HSPD1: variants seen among roughly 807,000 people sequenced by gnomAD.
HSPD1 encodes the protein 60 kDa heat shock protein, mitochondrial.
HSPD1 carries 3 observed loss-of-function variants against 53.0 expected under a neutral mutation model. That is an observed-to-expected ratio of 0.06 (90% CI 0.03 to 0.15). The LOEUF (loss-of-function observed/expected upper bound fraction) is 0.15, where lower values mean the gene tolerates loss of function less well. HSPD1 is among the 10% of genes least tolerant of loss of function. The pLI, the probability that HSPD1 is intolerant of heterozygous loss-of-function variation, is 1.00. For missense variants in HSPD1, 431 were observed against 694.1 expected (o/e 0.62, Z 4.26); for synonymous variants, 200 against 228.0 (o/e 0.88, Z 1.10).
At chr2:197,490,931 A>G (rs904271412) in intron 7 of HSPD1, among the ~76,000 whole-genome samples, 4 of 152,220 alleles carry the variant, frequency 2.6e-5, no homozygotes, top group Non-Finnish European at 5.9e-5. Flanking sequence ...AGTATTGTTA[A>G]GCTCACCTGA....
intron 5 of HSPD1, 160 bp from the exon 6 acceptor site, chr2:197,494,410 A>G (rs1574601106): frequency 1.6e-6 from 1 of 644,336 alleles, no homozygotes; most frequent in Non-Finnish European, 2.8e-6. Flanking sequence ...AAAAATCCCA[A>G]AAGTGCTTAT....
chr2:197,489,184 C>A lies in HSPD1; in HGVS notation c.1033G>T (p.Val345Phe). The stretch of plus-strand genomic sequence containing the variant: ...TCTTTGGTCACAATGACCTCTCCAA[C>A]TTTTCCTAAGTCATGAGGCTGAACG... Reference protein sequence around the residue: ...EDVQPHDLGKVGEVIVTKDDA... With the variant: ...EDVQPHDLGKFGEVIVTKDDA... Residue 345 changes from valine to phenylalanine, a missense_variant, in exon 9 of 12, where the codon GTT becomes TTT. Coordinates refer to ENST00000388968, the MANE Select transcript of HSPD1 (RefSeq NM_002156.5). The A allele has an allele frequency of 6.2e-7, 1 of 1,614,162 alleles. No homozygotes were observed. The highest frequency in any genetic ancestry group is 8.5e-7 in the Non-Finnish European group (1 of 1,179,992).
rs2086030641 is a variant in HSPD1 at position 197,486,791 on chromosome 2, T to C, written c.*255A>G. On this transcript the variant is annotated 3_prime_UTR_variant, in exon 12 of 12. Transcript: ENST00000388968. ...AAGCAGTACACTGGTACATGGCTCT[T>C]GTACCCAGTATCAGGAATGTACAAA... 1 of 461,422 alleles carries C rather than the reference T, an allele frequency of 2.2e-6. No homozygotes were observed. Among genetic ancestry groups the C allele is most frequent in the African/African-American group, 2.0e-5 (1 of 50,486 alleles). The allele number at this position is 461,422 out of a possible 1,614,324, so 28.6% of individuals were successfully genotyped here.
intron 9 of HSPD1, among the ~76,000 whole-genome samples, chr2:197,488,771 G>A (rs1474913137): frequency 1.3e-5 from 2 of 152,224 alleles, no homozygotes; most frequent in Non-Finnish European, 2.9e-5. Flanking sequence ...GGGAGGCCAA[G>A]GCAGGAGATT....
At chr2:197,496,220 A>G (rs2086155453) in intron 3 of HSPD1, among the ~76,000 whole-genome samples, 1 of 152,202 alleles carries the variant, frequency 6.6e-6, no homozygotes, top group African/African-American at 2.4e-5. Flanking sequence ...CTCAATTGGG[A>G]ATAGTGCTAG....
chr2:197,498,930 A>G (rs2086197989), intron 1 of HSPD1, 80 bp from the exon 2 acceptor site: 1 of 1,283,564 alleles, frequency 7.8e-7, no homozygotes. Context: ...TGTGCAACAG[A>G]GCAAGCAACG....
intron 7 of HSPD1, 119 bp from the exon 8 acceptor site, chr2:197,490,415 G>GTGT (rs386392249): frequency 1.9e-5 from 14 of 728,722 alleles, no homozygotes; most frequent in Admixed American, 1.3e-4. Context: ...TGGTTTTTGT[G>GTGT]TTTTTTTGTT....
chr2:197,500,192 GCTC>G (rs1426546054), upstream of HSPD1: 4 of 590,916 alleles, frequency 6.8e-6, no homozygotes, highest in South Asian at 4.2e-5. Context: ...CCTAGAAACA[GCTC>G]CTTTTTTCTT....
In HSPD1 at chr2:197,497,557, T is replaced by G. The variant is rs1291704172; in HGVS notation, c.175-165A>C. ...ACCTCAAGGGCAAGTTTATCGACAT[T>G]CTTTGTCTACAGACAAAATGACCTG... is the stretch of plus-strand genomic sequence containing the variant. On this transcript the variant is annotated intron_variant, in intron 2 of 11. Transcript: ENST00000388968. 3 of 676,348 alleles carry G rather than the reference T, an allele frequency of 4.4e-6. No homozygotes were observed. The African/African-American group carries it at 5.4e-5, about 12-fold the overall frequency. 41.9% of individuals were successfully genotyped at this position (676,348 alleles called of 1,614,324 possible).
In HSPD1 at chr2:197,489,062, A is replaced by G. The variant is rs781119204; in HGVS notation, c.1155T>C (p.Tyr385=). 1.2e-6 allele frequency: 2 copies of G among 1,613,894 alleles called. No individual in the cohort carries two copies. Among genetic ancestry groups the G allele is most frequent in the Non-Finnish European group, 1.7e-6 (2 of 1,179,794 alleles). Residue 385 remains tyrosine (Y), a synonymous_variant, in exon 9 of 12, where the codon TAT becomes TAC. Coordinates refer to ENST00000388968, the MANE Select transcript of HSPD1 (RefSeq NM_002156.5). The stretch of plus-strand genomic sequence containing the variant: ...GCCGTTCATTCAGTTTTTCCTTTTC[A>G]TATTCACTAGTTGTGACATCTAACT... ...IEQLDVTTSE[Y]EKEKLNERLA...
intron 4 of HSPD1, 151 bp from the exon 5 acceptor site, chr2:197,494,903 G>A: frequency 5.9e-6 from 4 of 678,932 alleles, no homozygotes; most frequent in Non-Finnish European, 1.1e-5. Flanking sequence ...TGAAGTACTG[G>A]TTCTTTGCTC....
At chr2:197,495,157 A>G in intron 4 of HSPD1, 137 bp downstream of exon 4, 1 of 675,176 alleles carries the variant, frequency 1.5e-6, no homozygotes, top group Non-Finnish European at 2.7e-6. Flanking sequence ...CAAAGGTTTT[A>G]GCAGTAAGAA....
At chr2:197,490,423 G>T (rs75239920) in intron 7 of HSPD1, 127 bp from the exon 8 acceptor site, 31 of 579,026 alleles carry the variant, frequency 5.4e-5, no homozygotes, top group Non-Finnish European at 6.4e-5. Flanking sequence ...GTGTTTTTTT[G>T]TTTTTTTTTT....
chr2:197,487,519 C>A (rs1475004692), intron 11 of HSPD1, among the ~76,000 whole-genome samples: 1 of 152,198 alleles, frequency 6.6e-6, no homozygotes, highest in East Asian at 1.9e-4. Flanking sequence ...GGCGACACAG[C>A]GACTCTGTCT....
chr2:197,492,140 G>T (rs974233257), intron 7 of HSPD1, among the ~76,000 whole-genome samples: 3 of 152,240 alleles, frequency 2.0e-5, no homozygotes, highest in Admixed American at 6.5e-5. Context: ...CTGGGTGACA[G>T]AGTCTGTCTC....
intron 7 of HSPD1, among the ~76,000 whole-genome samples, chr2:197,491,192 T>TG (rs2086087254): frequency 1.5e-5 from 2 of 136,444 alleles, no homozygotes; most frequent in African/African-American, 6.7e-5. Flanking sequence ...TTTTGTGTGT[T>TG]TTTTTTTTTT....
intron 2 of HSPD1, among the ~76,000 whole-genome samples, chr2:197,498,439 C>A (rs2086188477): frequency 6.6e-6 from 1 of 152,184 alleles, no homozygotes; most frequent in Admixed American, 6.5e-5. Context: ...CTGTAAGTTA[C>A]TACCTGATTA....
chr2:197,488,588 G>A, intron 9 of HSPD1, 97 bp from the exon 10 acceptor site: 2 of 1,096,730 alleles, frequency 1.8e-6, no homozygotes, highest in Non-Finnish European at 2.8e-6. Context: ...GCAATCCTGA[G>A]GTGGGCGTGG....
chr2:197,496,893 G>A (rs2086165022), intron 3 of HSPD1: 1 of 504,238 alleles, frequency 2.0e-6, no homozygotes, highest in African/African-American at 1.9e-5. Flanking sequence ...CTGGGCTACA[G>A]AGCAAGACCC....
Sources: gnomAD v4.1 joint callset for allele counts (sites outside exome capture counted in the v4.1 genomes callset) on GRCh38, gnomAD v4.1.1 for gene constraint, MANE v1.5 for transcripts, NCBI Gene and HGNC (gene_info 2026-07-23, HGNC 2026-07-21) for gene names.